GPCPD1: variants seen among roughly 807,000 people sequenced by gnomAD.
GPCPD1 encodes glycerophosphocholine phosphodiesterase 1.
In GPCPD1, 29 loss-of-function variants were observed where a neutral mutation model predicts 89.2. The ratio of observed to expected loss-of-function variants is 0.33; its 90% CI spans 0.24 to 0.44. The LOEUF (loss-of-function observed/expected upper bound fraction) is 0.44, where lower values mean the gene tolerates loss of function less well. Among genes scored for constraint, GPCPD1 ranks in the 20% least tolerant of loss-of-function variants. The pLI is 1.00. For missense variants in GPCPD1, 594 were observed against 808.9 expected (o/e 0.73, Z 3.22); for synonymous variants, 258 against 266.3 (o/e 0.97, Z 0.30).
chr20:5,582,826 C>A (rs992075531), intron 6 of GPCPD1, among the ~76,000 whole-genome samples: 3 of 151,608 alleles, frequency 2.0e-5, no homozygotes, highest in African/African-American at 7.3e-5. Flanking sequence ...CAGGTGGAGG[C>A]TGCAGCAAGC....
intron 1 of GPCPD1, among the ~76,000 whole-genome samples, chr20:5,610,005 G>C (rs1375291012): frequency 3.9e-5 from 6 of 152,134 alleles, no homozygotes; most frequent in Non-Finnish European, 5.9e-5. Flanking sequence ...AAAAAACATC[G>C]GGTCCAAACA....
chr20:5,569,181 C>T (rs941957533), intron 12 of GPCPD1, among the ~76,000 whole-genome samples: 4 of 151,308 alleles, frequency 2.6e-5, no homozygotes, highest in African/African-American at 9.7e-5. Flanking sequence ...CTTTCCTATA[C>T]ATAATATATA....
chr20:5,610,524 G>A (rs2122846760), intron 1 of GPCPD1, among the ~76,000 whole-genome samples: 1 of 152,134 alleles, frequency 6.6e-6, no homozygotes, highest in East Asian at 1.9e-4. Flanking sequence ...GCATATTTGC[G>A]GTAGTCCTAT....
At position 5,548,947 on chromosome 20, in the gene GPCPD1, C is replaced by G. The variant is rs1050725823; in HGVS notation, c.1830-1097G>C. On this transcript the variant is annotated intron_variant, in intron 19 of 19. Coordinates refer to ENST00000379019, the MANE Select transcript of GPCPD1 (RefSeq NM_019593.5). ...AGAACACTATATTAAACATCCTCTA[C>G]AGAACAGATGGGCACTCTGGTTTTT... is the stretch of plus-strand genomic sequence containing the variant. 11 of 1,023,286 alleles carry G rather than the reference C, an allele frequency of 1.1e-5. No homozygotes were observed. In the Middle Eastern group the frequency reaches 1.1e-3, roughly 98 times the overall value. The allele number at this position is 1,023,286 out of a possible 1,614,324, so 63.4% of individuals were successfully genotyped here.
chr20:5,590,885 T>A (rs1192216752), intron 4 of GPCPD1, among the ~76,000 whole-genome samples: 3 of 152,138 alleles, frequency 2.0e-5, no homozygotes, highest in African/African-American at 7.2e-5. Context: ...AACATAGATA[T>A]GTGCTGAAAA....
intron 15 of GPCPD1, among the ~76,000 whole-genome samples, chr20:5,563,124 A>T (rs1020299361): frequency 3.3e-5 from 5 of 151,966 alleles, no homozygotes; most frequent in African/African-American, 1.2e-4. Flanking sequence ...CTGGGACTAC[A>T]GGCACCCGCC....
intron 8 of GPCPD1, among the ~76,000 whole-genome samples, chr20:5,577,203 T>C (rs1197078169): frequency 1.3e-5 from 2 of 151,860 alleles, no homozygotes; most frequent in African/African-American, 4.8e-5. Context: ...TAGCTGGGAT[T>C]ACAGTCACGC....
intron 19 of GPCPD1, among the ~76,000 whole-genome samples, chr20:5,557,119 G>A (rs1251686476): frequency 2.0e-5 from 3 of 152,254 alleles, no homozygotes; most frequent in Admixed American, 1.3e-4. Context: ...GAGGGAAAGA[G>A]GGTTGAAGGT....
chr20:5,607,377 G>T (rs1980661342), intron 1 of GPCPD1, among the ~76,000 whole-genome samples: 1 of 151,724 alleles, frequency 6.6e-6, no homozygotes, highest in Non-Finnish European at 1.5e-5. Flanking sequence ...CAGATCATGA[G>T]GTCAGGAATT....
intron 1 of GPCPD1, among the ~76,000 whole-genome samples, chr20:5,609,131 G>A (rs1325480025): frequency 6.6e-6 from 1 of 152,204 alleles, no homozygotes; most frequent in Non-Finnish European, 1.5e-5. Flanking sequence ...TTTAGCTAAA[G>A]TGTTTTTTTG....
rs2122501166 is a variant in GPCPD1 at position 5,546,052 on chromosome 20, G to T, written c.*1609C>A. The T allele has an allele frequency of 6.6e-6, 1 of 152,224 alleles. No individual in the cohort carries two copies. Among genetic ancestry groups the T allele is most frequent in the Middle Eastern group, 3.4e-3 (1 of 294 alleles). 9.4% of individuals were successfully genotyped at this position (152,224 alleles called of 1,614,324 possible). On this transcript the variant is annotated 3_prime_UTR_variant, in exon 20 of 20. Transcript: ENST00000379019. ...GATGAAGGAAACTAATTCTTTTTCA[G>T]GAGTTTTCCAAAAGTGCCCAATTCA...
chr20:5,584,147 T>C, intron 6 of GPCPD1, 134 bp downstream of exon 6: 3 of 521,982 alleles, frequency 5.7e-6, no homozygotes, highest in Non-Finnish European at 1.1e-5. Context: ...ACGTGTGGCC[T>C]GTCTTTGACC....
intron 15 of GPCPD1, among the ~76,000 whole-genome samples, chr20:5,563,382 T>C (rs1986203147): frequency 6.6e-6 from 1 of 152,246 alleles, no homozygotes; most frequent in African/African-American, 2.4e-5. Flanking sequence ...TATCACAATT[T>C]AAAATTTTTT....
At chr20:5,568,391 T>C (rs1381474830) in intron 12 of GPCPD1, among the ~76,000 whole-genome samples, 1 of 151,902 alleles carries the variant, frequency 6.6e-6, no homozygotes, top group Non-Finnish European at 1.5e-5. Flanking sequence ...ACAGGAAAGA[T>C]TTATTTCTCA....
At chr20:5,599,701 C>T (rs774721033) in intron 2 of GPCPD1, among the ~76,000 whole-genome samples, 6 of 151,732 alleles carry the variant, frequency 4.0e-5, no homozygotes, top group Non-Finnish European at 7.4e-5. Context: ...ATTACAAGTG[C>T]GCACCATCAC....
intron 6 of GPCPD1, 127 bp downstream of exon 6, chr20:5,584,154 G>T: frequency 1.9e-6 from 1 of 539,182 alleles, no homozygotes; most frequent in Non-Finnish European, 3.4e-6. Context: ...GCCTGTCTTT[G>T]ACCAAAATAT....
intron 1 of GPCPD1, among the ~76,000 whole-genome samples, chr20:5,604,910 G>A (rs1035859327): frequency 6.6e-6 from 1 of 151,720 alleles, no homozygotes; most frequent in Non-Finnish European, 1.5e-5. Flanking sequence ...CTGTGACTGT[G>A]CCACTGTACT....
intron 5 of GPCPD1, chr20:5,584,544 T>C (rs1423627890): frequency 3.4e-6 from 1 of 295,966 alleles, no homozygotes; most frequent in Non-Finnish European, 6.4e-6. Context: ...TGATTGTCCA[T>C]TATGTTAAAA....
rs1432544267 is a variant in GPCPD1, at chr20:5,544,649, G to A, written c.*3012C>T. On this transcript the variant is annotated 3_prime_UTR_variant, in exon 20 of 20. Transcript: ENST00000379019. ...GTAGTTTGAGAACATGGGATTCAGAGTCACAAAACCCACATCCTAGTCCCA... is the reference window on the plus strand; with the variant it reads ...GTAGTTTGAGAACATGGGATTCAGAATCACAAAACCCACATCCTAGTCCCA... 1 of 152,208 alleles carries A rather than the reference G, an allele frequency of 6.6e-6. No homozygotes were observed. Among genetic ancestry groups the A allele is most frequent in the Non-Finnish European group, 1.5e-5 (1 of 68,032 alleles). 9.4% of individuals were successfully genotyped at this position (152,208 alleles called of 1,614,324 possible). A position where few individuals can be genotyped will look rare whatever the true frequency, so the allele number is the denominator to read the frequency against.
Sources: gnomAD v4.1 joint callset for allele counts (sites outside exome capture counted in the v4.1 genomes callset) on GRCh38, gnomAD v4.1.1 for gene constraint, MANE v1.5 for transcripts, NCBI Gene and HGNC (gene_info 2026-07-23, HGNC 2026-07-21) for gene names.